Variants in SYNDIG1 observed in about 807,000 individuals in gnomAD.
SYNDIG1 encodes synapse differentiation-inducing gene protein 1.
Under a neutral mutation model 19.4 loss-of-function variants are expected in SYNDIG1, and 9 were observed. The ratio of observed to expected loss-of-function variants is 0.46; its 90% confidence interval spans 0.28 to 0.81. SYNDIG1 has a LOEUF of 0.81. SYNDIG1 is among the 30% of genes least tolerant of loss of function. The pLI is 0.12. For missense variants in SYNDIG1, 311 were observed against 343.3 expected (o/e 0.91, Z 0.74); for synonymous variants, 141 against 145.9 (o/e 0.97, Z 0.24).
At chr20:24,650,947 T>C (rs2059466472) in intron 3 of SYNDIG1, among the ~76,000 whole-genome samples, 1 of 152,148 alleles carries the variant, frequency 6.6e-6, no homozygotes, top group African/African-American at 2.4e-5. Context: ...GCAATTCTCC[T>C]GAGTGAGCTT....
intron 3 of SYNDIG1, among the ~76,000 whole-genome samples, chr20:24,600,013 C>T (rs1230380867): frequency 6.6e-6 from 1 of 152,218 alleles, no homozygotes. Context: ...TTATATACAT[C>T]TAACACAATT....
chr20:24,491,317 G>T (rs6049736), intron 1 of SYNDIG1, among the ~76,000 whole-genome samples: 60,807 of 152,032 alleles, frequency 0.4, 12,672 homozygotes, highest in Middle Eastern at 0.51. Flanking sequence ...GGCTGGGAGA[G>T]CAGCCAGGAG....
intron 3 of SYNDIG1, among the ~76,000 whole-genome samples, chr20:24,621,987 T>C (rs1358356496): frequency 6.6e-6 from 1 of 152,238 alleles, no homozygotes; most frequent in Non-Finnish European, 1.5e-5. Flanking sequence ...CATATGTCTA[T>C]ATTTCAACAT....
intron 1 of SYNDIG1, among the ~76,000 whole-genome samples, chr20:24,504,786 G>A (rs867129897): frequency 2.6e-5 from 4 of 152,172 alleles, no homozygotes; most frequent in East Asian, 1.9e-4. Context: ...CATGAGCTAC[G>A]CAAAAGCCTT....
chr20:24,664,840 G>A (rs989485520), intron 3 of SYNDIG1, among the ~76,000 whole-genome samples: 4 of 152,134 alleles, frequency 2.6e-5, no homozygotes, highest in African/African-American at 9.7e-5. Flanking sequence ...ATCTTATGCC[G>A]GAGTTTCTCT....
chr20:24,484,051 C>T (rs935920926), intron 1 of SYNDIG1, among the ~76,000 whole-genome samples: 2 of 152,106 alleles, frequency 1.3e-5, no homozygotes, highest in Admixed American at 1.3e-4. Flanking sequence ...TTCAGAATTC[C>T]GTCTGCATCA....
chr20:24,478,247 T>C (rs1348471515), intron 1 of SYNDIG1, among the ~76,000 whole-genome samples: 4 of 152,240 alleles, frequency 2.6e-5, no homozygotes, highest in African/African-American at 9.6e-5. Context: ...CATTGGTGCC[T>C]TATTGCTTCG....
chr20:24,662,099 T>C (rs1238139250), intron 3 of SYNDIG1, among the ~76,000 whole-genome samples: 4 of 151,996 alleles, frequency 2.6e-5, no homozygotes, highest in African/African-American at 4.8e-5. Flanking sequence ...TAGTGACCAT[T>C]CAACCTAAGG....
chr20:24,647,757 T>C (rs1204128011), intron 3 of SYNDIG1, among the ~76,000 whole-genome samples: 2 of 150,566 alleles, frequency 1.3e-5, no homozygotes, highest in Non-Finnish European at 3.0e-5. Flanking sequence ...GTGGATTTTT[T>C]TTCCAGCAAC....
At chr20:24,653,499 C>T (rs1039349877) in intron 3 of SYNDIG1, among the ~76,000 whole-genome samples, 1 of 152,194 alleles carries the variant, frequency 6.6e-6, no homozygotes, top group Non-Finnish European at 1.5e-5. Flanking sequence ...AGAATGCCTC[C>T]AGCCTTGGTG....
intron 3 of SYNDIG1, among the ~76,000 whole-genome samples, chr20:24,613,555 C>T (rs1459771471): frequency 5.3e-5 from 8 of 152,182 alleles, no homozygotes; most frequent in East Asian, 3.9e-4. Context: ...TCCCCCATTG[C>T]GGGTCCCAAA....
At chr20:24,494,995 G>C (rs1252392677) in intron 1 of SYNDIG1, among the ~76,000 whole-genome samples, 1 of 152,218 alleles carries the variant, frequency 6.6e-6, no homozygotes, top group Non-Finnish European at 1.5e-5. Flanking sequence ...CCATGCCCTG[G>C]TCAGTTAAAA....
chr20:24,573,201 G>T (rs1353922318), intron 2 of SYNDIG1, among the ~76,000 whole-genome samples: 1 of 152,190 alleles, frequency 6.6e-6, no homozygotes, highest in South Asian at 2.1e-4. Context: ...TTAGTAACTG[G>T]ATCAACAGGC....
intron 1 of SYNDIG1, among the ~76,000 whole-genome samples, chr20:24,500,529 T>C (rs868115552): frequency 1.4e-4 from 18 of 132,306 alleles, no homozygotes; most frequent in East Asian, 4.4e-4. Flanking sequence ...TTTCTTTCTT[T>C]CTTCTTTCTT....
At chr20:24,647,253 T>C (rs767040084) in intron 3 of SYNDIG1, among the ~76,000 whole-genome samples, 2 of 152,114 alleles carry the variant, frequency 1.3e-5, no homozygotes, top group Non-Finnish European at 2.9e-5. Flanking sequence ...AACTAAACAG[T>C]GGAGAACCAT....
chr20:24,627,160 A>G (rs1402761876), intron 3 of SYNDIG1, among the ~76,000 whole-genome samples: 1 of 141,672 alleles, frequency 7.1e-6, no homozygotes, highest in Non-Finnish European at 1.6e-5. Context: ...GGAGAGCGAG[A>G]GCGAGAGCGA....
At chr20:24,640,038 A>G (rs901967203) in intron 3 of SYNDIG1, among the ~76,000 whole-genome samples, 1 of 152,190 alleles carries the variant, frequency 6.6e-6, no homozygotes, top group African/African-American at 2.4e-5. Context: ...GTTTCTTAAG[A>G]AATAAGCTCT....
chr20:24,625,077 C>A (rs1364113099), intron 3 of SYNDIG1, among the ~76,000 whole-genome samples: 1 of 152,002 alleles, frequency 6.6e-6, no homozygotes. Context: ...GCATTAAATG[C>A]ATATCTTAGA....
intron 1 of SYNDIG1, among the ~76,000 whole-genome samples, chr20:24,472,788 T>C (rs1345792847): frequency 6.6e-6 from 1 of 152,244 alleles, no homozygotes; most frequent in Non-Finnish European, 1.5e-5. Flanking sequence ...CACACCTCTG[T>C]GCTTTCCTGT....
Sources: gnomAD v4.1 joint callset for allele counts (sites outside exome capture counted in the v4.1 genomes callset) on GRCh38, gnomAD v4.1.1 for gene constraint, MANE v1.5 for transcripts, NCBI Gene and HGNC (gene_info 2026-07-23, HGNC 2026-07-21) for gene names.